FAM24B: variants seen among roughly 807,000 people sequenced by gnomAD.
FAM24B encodes the protein family with sequence similarity 24 member B, also known as protein FAM24B.
Under a neutral mutation model 2.3 loss-of-function variants are expected in FAM24B, and 3 were observed. The observed-to-expected ratio is 1.29, with a 90% CI of 0.59 to 3.32. The LOEUF (loss-of-function observed/expected upper bound fraction) is 3.32, where lower values mean the gene tolerates loss of function less well. Among genes scored for constraint, FAM24B ranks in the 30% most tolerant of loss-of-function variants. The pLI is 0.03. For synonymous variants in FAM24B, 36 were observed against 46.3 expected, an observed-to-expected ratio of 0.78 and a Z score of 0.90; for missense variants, 98 against 117.2, an observed-to-expected ratio of 0.84 and a Z score of 0.76.
intron 1 of FAM24B, among the ~76,000 whole-genome samples, chr10:122,861,769 T>C (rs184875784): frequency 6.6e-6 from 1 of 152,304 alleles, no homozygotes; most frequent in East Asian, 1.9e-4. Context: ...AGCAGTGAAT[T>C]TTTATATATT....
At chr10:122,856,189 C>G (rs140038446) in intron 1 of FAM24B, among the ~76,000 whole-genome samples, 4 of 152,116 alleles carry the variant, frequency 2.6e-5, no homozygotes, top group Non-Finnish European at 4.4e-5. Flanking sequence ...TTAAGTGACT[C>G]ACATCTTTGC....
rs1847487690 is a variant in FAM24B at position 122,849,373 on chromosome 10, C to A, written c.159G>T (p.Lys53Asn). 1 of 1,613,436 alleles carries A rather than the reference C, an allele frequency of 6.2e-7. No individual in the cohort carries two copies. The highest frequency in any genetic ancestry group is 1.3e-5 in the African/African-American group (1 of 74,876). Residue 53 changes from lysine to asparagine, a missense_variant, in exon 4 of 4, where the codon AAG becomes AAT. By Grantham distance (94) the Lys-to-Asn change is moderately conservative. Transcript: ENST00000368898. ...TGGCAATGGTTTTGGCCTGGCTGTTCTTGGCCCACCACACCTTGTCTGGGT... is the reference window on the plus strand; with the variant it reads ...TGGCAATGGTTTTGGCCTGGCTGTTATTGGCCCACCACACCTTGTCTGGGT... ...NHNPDKVWWA[K>N]NSQAKTIATE...
At chr10:122,852,492 A>C (rs1293868722) in intron 2 of FAM24B, among the ~76,000 whole-genome samples, 1 of 152,146 alleles carries the variant, frequency 6.6e-6, no homozygotes, top group Non-Finnish European at 1.5e-5. Context: ...ACAACAGGAA[A>C]ATTCCTTTCT....
In FAM24B at chr10:122,849,169, CTAGAACTTGATTTGAA is replaced by C; in HGVS notation, c.*62_*77del. On this transcript the variant is annotated 3_prime_UTR_variant, in exon 4 of 4. Coordinates refer to ENST00000368898, the MANE Select transcript of FAM24B (RefSeq NM_152644.3). ...AATTATATAATCTCACATAAAAACACTAGAACTTGATTTGAATAACAAAACAATCTACTAAGAAGTA... is the reference window on the plus strand; with the variant it reads ...AATTATATAATCTCACATAAAAACACTAACAAAACAATCTACTAAGAAGTA... 1.8e-6 allele frequency: 2 copies of C among 1,104,674 alleles called. No individual in the cohort carries two copies. The highest frequency in any genetic ancestry group is 2.5e-6 in the Non-Finnish European group (2 of 796,358). The allele number at this position is 1,104,674 out of a possible 1,614,324, so 68.4% of individuals were successfully genotyped here. A position where few individuals can be genotyped will look rare whatever the true frequency, so the allele number is the denominator to read the frequency against.
chr10:122,876,158 A>T (rs1176179480), intron 1 of FAM24B, among the ~76,000 whole-genome samples: 3 of 152,178 alleles, frequency 2.0e-5, no homozygotes, highest in Admixed American at 6.5e-5. Flanking sequence ...TAAAGCTTTT[A>T]AATAAATTTT....
At chr10:122,858,308 A>C (rs1847670211) in intron 1 of FAM24B, among the ~76,000 whole-genome samples, 1 of 151,858 alleles carries the variant, frequency 6.6e-6, no homozygotes, top group Non-Finnish European at 1.5e-5. Flanking sequence ...CAAGGACAAA[A>C]AACCAAACAC....
At chr10:122,856,551 G>A (rs1009049556) in intron 1 of FAM24B, among the ~76,000 whole-genome samples, 1 of 152,146 alleles carries the variant, frequency 6.6e-6, no homozygotes, top group Non-Finnish European at 1.5e-5. Flanking sequence ...CAATCCCAAT[G>A]AGAACGGCCT....
At chr10:122,865,484 T>C (rs1401219284) in intron 1 of FAM24B, among the ~76,000 whole-genome samples, 2 of 152,210 alleles carry the variant, frequency 1.3e-5, no homozygotes, top group Non-Finnish European at 2.9e-5. Flanking sequence ...TTGGTGTTGA[T>C]ATATAATACT....
chr10:122,852,092 T>C (rs1847548198), intron 2 of FAM24B, among the ~76,000 whole-genome samples: 1 of 152,232 alleles, frequency 6.6e-6, no homozygotes, highest in Non-Finnish European at 1.5e-5. Context: ...ACAGGACTTC[T>C]GGTTTCTGCA....
intron 1 of FAM24B, among the ~76,000 whole-genome samples, chr10:122,868,038 T>G (rs1352027431): frequency 6.6e-6 from 1 of 152,016 alleles, no homozygotes; most frequent in South Asian, 2.1e-4. Context: ...AGTTAAAAAC[T>G]TTGAAAAAAA....
At chr10:122,867,583 T>C (rs1847821977) in intron 1 of FAM24B, among the ~76,000 whole-genome samples, 1 of 152,180 alleles carries the variant, frequency 6.6e-6, no homozygotes, top group Non-Finnish European at 1.5e-5. Context: ...GGTACTCCTC[T>C]GAGACAAAAC....
At chr10:122,862,722 A>G (rs557647023) in intron 1 of FAM24B, among the ~76,000 whole-genome samples, 1 of 152,190 alleles carries the variant, frequency 6.6e-6, no homozygotes, top group African/African-American at 2.4e-5. Flanking sequence ...AATGCAAATA[A>G]TAATTCTTCT....
chr10:122,858,008 A>T (rs1332820810), intron 1 of FAM24B, among the ~76,000 whole-genome samples: 1 of 152,194 alleles, frequency 6.6e-6, no homozygotes, highest in Non-Finnish European at 1.5e-5. Context: ...TTCCTCAAGG[A>T]TCTAGAGCTA....
intron 1 of FAM24B, among the ~76,000 whole-genome samples, chr10:122,874,994 T>C (rs920065406): frequency 1.3e-5 from 2 of 152,202 alleles, no homozygotes; most frequent in African/African-American, 2.4e-5. Flanking sequence ...TTTGGTGTCA[T>C]TAATTTTGGA....
intron 1 of FAM24B, among the ~76,000 whole-genome samples, chr10:122,866,674 T>C (rs555017038): frequency 3.9e-5 from 6 of 152,266 alleles, no homozygotes; most frequent in African/African-American, 1.4e-4. Flanking sequence ...TGCCATTGTT[T>C]TGGTCCACCA....
At chr10:122,871,389 C>T (rs1847895706) in intron 1 of FAM24B, among the ~76,000 whole-genome samples, 2 of 152,162 alleles carry the variant, frequency 1.3e-5, no homozygotes, top group Admixed American at 6.5e-5. Flanking sequence ...TTAATGCCAT[C>T]CCCATCAAGC....
At chr10:122,868,013 A>C (rs1847828366) in intron 1 of FAM24B, among the ~76,000 whole-genome samples, 1 of 152,216 alleles carries the variant, frequency 6.6e-6, no homozygotes, top group African/African-American at 2.4e-5. Context: ...AGGAAGTTCA[A>C]ACCAATGGCA....
intron 3 of FAM24B, 69 bp from the exon 4 acceptor site, chr10:122,849,508 G>T: frequency 2.1e-6 from 3 of 1,427,094 alleles, no homozygotes; most frequent in Non-Finnish European, 2.9e-6. Context: ...TAGAACTGTT[G>T]GGGGGTATCT....
chr10:122,878,015 T>C (rs1440267475), intron 1 of FAM24B, among the ~76,000 whole-genome samples: 1 of 152,208 alleles, frequency 6.6e-6, no homozygotes, highest in Non-Finnish European at 1.5e-5. Context: ...TAAAGCTCCA[T>C]ACCAGAAGAG....
Sources: allele counts gnomAD v4.1 joint callset (sites outside exome capture counted in the v4.1 genomes callset), GRCh38; gene constraint gnomAD v4.1.1; transcripts MANE v1.5; gene names NCBI Gene and HGNC (gene_info 2026-07-23, HGNC 2026-07-21).